The following UBA1 variants were observed in gnomAD, a reference collection of about 807,000 sequenced individuals.
The protein encoded by UBA1 is ubiquitin like modifier activating enzyme 1.
Under a neutral mutation model 84.7 loss-of-function variants are expected in UBA1, and 4 were observed. The observed-to-expected ratio is 0.05, with a 90% CI of 0.02 to 0.11. UBA1 has a LOEUF of 0.11. Among genes scored for constraint, UBA1 ranks in the 10% least tolerant of loss-of-function variants. UBA1 has a pLI of 1.00. For synonymous variants in UBA1, 364 were observed against 362.6 expected (o/e 1.00, Z -0.04); for missense variants, 513 against 902.8 (o/e 0.57, Z 5.53).
At chrX:47,209,409 C>T (rs527813054) in intron 16 of UBA1, 1 of 517,587 alleles carries the variant, frequency 1.9e-6, no homozygotes, top group South Asian at 2.5e-5. Context: ...CTGCCTTAGC[C>T]TCCCAAAGTG....
chrX:47,213,292 C>G, intron 23 of UBA1, 111 bp downstream of exon 23: 3 of 792,016 alleles, frequency 3.8e-6, no homozygotes, highest in Admixed American at 6.8e-5. Flanking sequence ...GTGTACCTAC[C>G]CTTTTTGTGT....
intron 14 of UBA1, chrX:47,205,615 C>T (rs1936635672): frequency 5.5e-6 from 2 of 363,357 alleles, no homozygotes; most frequent in Non-Finnish European, 1.1e-5. Flanking sequence ...GTAATCCCAG[C>T]TCTTTGTGGG....
intron 20 of UBA1, among the ~76,000 whole-genome samples, chrX:47,211,505 C>T (rs1297395427): frequency 3.6e-5 from 4 of 111,454 alleles, no homozygotes; most frequent in African/African-American, 9.8e-5. Flanking sequence ...TCTTCTGTTT[C>T]TTCTTGATCT....
At chrX:47,203,474 T>TG (rs1465729988) in intron 13 of UBA1, 67 bp from the exon 14 acceptor site, 19 of 1,168,679 alleles carry the variant, frequency 1.6e-5, no homozygotes, top group Non-Finnish European at 2.1e-5. Context: ...TGAGGGGTGA[T>TG]GGGTAGCTTC....
chrX:47,201,267 C>T lies in UBA1; in HGVS notation c.588-9C>T, dbSNP rs1556787862. On this transcript the variant is annotated splice_polypyrimidine_tract_variant and intron_variant, in intron 6 of 25. Transcript: ENST00000335972. ...ACACAGGCACCAGCCCTATTGCTTC[C>T]CTCTACAGGCAGCTCTTCTGTGACT... The T allele has an allele frequency of 8.3e-7, 1 of 1,201,495 alleles. No individual in the cohort carries two copies. The highest frequency in any genetic ancestry group is 1.7e-5 in the African/African-American group (1 of 57,232).
intron 1 of UBA1, chrX:47,197,985 A>G (rs1370135813): frequency 1.2e-6 from 1 of 866,562 alleles, no homozygotes; most frequent in African/African-American, 2.1e-5. Flanking sequence ...TCAATCTAAT[A>G]CTCATTTATC....
chrX:47,199,587 C>T lies in UBA1; in HGVS notation c.453C>T (p.Leu151=), dbSNP rs782803598. ...CTGTCACTGCCTACACTGGACCCCT[C>T]GTTGAGGACTTCCTTAGTGGTTTCC... ...YVPVTAYTGP[L]VEDFLSGFQV... The change falls in exon 5 of 26, where the codon CTC becomes CTT. Residue 151 remains leucine (L), a synonymous_variant. Coordinates refer to ENST00000335972, the MANE Select transcript of UBA1 (RefSeq NM_003334.4). 9 of 1,211,595 alleles carry T rather than the reference C, an allele frequency of 7.4e-6. No homozygotes were observed. The highest frequency in any genetic ancestry group is 3.0e-5 in the East Asian group (1 of 33,838).
At chrX:47,197,815 C>T (rs781912923) in intron 1 of UBA1, 1 of 468,781 alleles carries the variant, frequency 2.1e-6, no homozygotes, top group South Asian at 1.0e-4. Flanking sequence ...GTGTGGGAAC[C>T]TTGGTCACCG....
upstream of UBA1, among the ~76,000 whole-genome samples, chrX:47,193,042 T>A (rs1349375712): frequency 1.8e-5 from 2 of 110,483 alleles, no homozygotes; most frequent in African/African-American, 6.6e-5. Flanking sequence ...GGGCAGGGAG[T>A]ACACGTCCCC....
At chrX:47,195,062 C>T (rs1936152284) in intron 1 of UBA1, among the ~76,000 whole-genome samples, 1 of 111,318 alleles carries the variant, frequency 9.0e-6, no homozygotes, top group Non-Finnish European at 1.9e-5. Flanking sequence ...CAAAAACCAA[C>T]CTGGGTTCTA....
chrX:47,199,178 C>A, intron 3 of UBA1, 31 bp from the exon 4 acceptor site: 1 of 1,212,195 alleles, frequency 8.2e-7, no homozygotes, highest in South Asian at 1.8e-5. Flanking sequence ...GTGGGGCAGG[C>A]CCTGACCTAG....
At position 47,201,276 on chromosome X, in the gene UBA1, G is replaced by T. The variant is rs1171088465; in HGVS notation, c.588G>T (p.Gly196=). 1 of 1,206,107 alleles carries T rather than the reference G, an allele frequency of 8.3e-7. No homozygotes were observed. The highest frequency in any genetic ancestry group is 1.7e-5 in the African/African-American group (1 of 57,832). The change falls in exon 7 of 26, where the codon GGG becomes GGT. Residue 196 remains glycine, a splice_region_variant and synonymous_variant. Coordinates refer to ENST00000335972, the MANE Select transcript of UBA1 (RefSeq NM_003334.4). The part of the protein sequence containing the change: ...LVVADTRGLF[G]QLFCDFGEEM... ...CCAGCCCTATTGCTTCCCTCTACAG[G>T]CAGCTCTTCTGTGACTTTGGAGAGG... is the stretch of plus-strand genomic sequence containing the variant.
At chrX:47,200,666 C>T (rs1936369914) in intron 5 of UBA1, among the ~76,000 whole-genome samples, 1 of 112,085 alleles carries the variant, frequency 8.9e-6, no homozygotes, top group Non-Finnish European at 1.9e-5. Context: ...AGCTCTTCTC[C>T]AAACTCCCTC....
chrX:47,197,466 C>T (rs1936244704), intron 1 of UBA1: 1 of 754,498 alleles, frequency 1.3e-6, no homozygotes, highest in Middle Eastern at 7.6e-4. Context: ...CATTGGGATA[C>T]TTAGTGTCAT....
At chrX:47,209,527 G>T in intron 16 of UBA1, 96 bp from the exon 17 acceptor site, 1 of 816,486 alleles carries the variant, frequency 1.2e-6, no homozygotes. Context: ...TGTGCGCCTT[G>T]TACTTGCTTT....
chrX:47,200,233 G>A (rs907539928), intron 5 of UBA1, among the ~76,000 whole-genome samples: 36 of 112,358 alleles, frequency 3.2e-4, no homozygotes, highest in African/African-American at 1.2e-3. Flanking sequence ...CTGTACCTTT[G>A]TTTTCCTGTT....
At chrX:47,205,623 G>A in intron 14 of UBA1, 2 of 364,286 alleles carry the variant, frequency 5.5e-6, no homozygotes, top group African/African-American at 2.5e-5. Flanking sequence ...AGCTCTTTGT[G>A]GGGCCGAGGT....
At chrX:47,213,848 C>A (rs189340468) in intron 23 of UBA1, among the ~76,000 whole-genome samples, 101 of 107,593 alleles carry the variant, frequency 9.4e-4, no homozygotes, top group African/African-American at 3.4e-3. Flanking sequence ...GCCTGGGTGA[C>A]AGAGCGAGAC....
At position 47,198,676 on chromosome X, in the gene UBA1, G is replaced by A. The variant is rs782043774; in HGVS notation, c.1-127G>A. On this transcript the variant is annotated intron_variant, in intron 1 of 25. Coordinates refer to ENST00000335972, the MANE Select transcript of UBA1 (RefSeq NM_003334.4). ...GGCAAGTCCTCACCTTTCTGTGCCT[G>A]TCCCCTCTTTGCTGTAAAATGGGGG... The A allele has an allele frequency of 9.5e-5, 61 of 644,975 alleles. No homozygotes were observed. The East Asian group carries it at 2.0e-3, about 21-fold the overall frequency. The allele number at this position is 644,975 out of a possible 1,213,427, so 53.2% of individuals were successfully genotyped here.
Sources: gnomAD v4.1 joint callset for allele counts (sites outside exome capture counted in the v4.1 genomes callset) on GRCh38, gnomAD v4.1.1 for gene constraint, MANE v1.5 for transcripts, NCBI Gene and HGNC (gene_info 2026-07-23, HGNC 2026-07-21) for gene names.